DNAI3: variants seen among roughly 807,000 people sequenced by gnomAD.
DNAI3 encodes dynein axonemal intermediate chain 3.
Under a neutral mutation model 115.5 loss-of-function variants are expected in DNAI3, and 83 were observed. That is an observed-to-expected ratio of 0.72 (90% CI 0.60 to 0.86). DNAI3 has a LOEUF of 0.86. Among genes scored for constraint, DNAI3 ranks in the 40% least tolerant of loss-of-function variants. The probability of loss-of-function intolerance (pLI) is 0.00; values close to 1 mark genes in which losing one functional copy is unlikely to be tolerated. For missense variants in DNAI3, 1,004 were observed against 1,075.8 expected, an observed-to-expected ratio of 0.93 and a Z score of 0.93; for synonymous variants, 320 against 347.0, an observed-to-expected ratio of 0.92 and a Z score of 0.86.
rs758707385 is a variant in DNAI3, at chr1:85,094,464, C to G, written c.1082C>G (p.Ser361Cys). The change falls in exon 10 of 23, where the codon TCT (serine) becomes TGT (cysteine). Residue 361 changes from serine to cysteine, a missense_variant. Around this residue, in one of 3 missense-constraint regions of DNAI3, gnomAD observed 550 missense variants for 568.1 expected, o/e 0.97. Coordinates refer to ENST00000294664, the MANE Select transcript of DNAI3 (RefSeq NM_145172.5). ...GCTGTGTCGGTAGCCGTGCGACTTTCTTTTGAAGACAGAGTTCACTTTTCT... is the reference window on the plus strand; with the variant it reads ...GCTGTGTCGGTAGCCGTGCGACTTTGTTTTGAAGACAGAGTTCACTTTTCT... ...LIAVSVAVRLSFEDRVHFSGK... is the reference protein window; with the variant it reads ...LIAVSVAVRLCFEDRVHFSGK... 3.5e-5 allele frequency: 57 copies of G among 1,614,052 alleles called. No individual in the cohort carries two copies. Among genetic ancestry groups the G allele is most frequent in the Non-Finnish European group, 4.7e-5 (55 of 1,180,038 alleles).
chr1:85,126,836 C>T (rs1174424592), intron 20 of DNAI3, 121 bp downstream of exon 20: 3 of 903,108 alleles, frequency 3.3e-6, no homozygotes, highest in African/African-American at 1.7e-5. Flanking sequence ...CTGCTCATCC[C>T]TTCTTATCCC....
At chr1:85,066,550 G>C (rs1654106912) in intron 1 of DNAI3, among the ~76,000 whole-genome samples, 1 of 151,862 alleles carries the variant, frequency 6.6e-6, no homozygotes, top group Admixed American at 6.6e-5. Context: ...GGATGGTCTT[G>C]ATCTCCTGAC....
At chr1:85,091,407 C>T (rs1654970233) in intron 8 of DNAI3, among the ~76,000 whole-genome samples, 1 of 152,050 alleles carries the variant, frequency 6.6e-6, no homozygotes. Flanking sequence ...TGATTCCATC[C>T]CTGAGATGTG....
intron 14 of DNAI3, among the ~76,000 whole-genome samples, chr1:85,106,003 G>C (rs1233501100): frequency 2.0e-5 from 3 of 152,178 alleles, no homozygotes; most frequent in African/African-American, 7.2e-5. Context: ...AGCTGGGCAT[G>C]GTGGCACATG....
intron 13 of DNAI3, 35 bp from the exon 14 acceptor site, chr1:85,104,489 A>T: frequency 6.4e-7 from 1 of 1,566,764 alleles, no homozygotes; most frequent in Non-Finnish European, 8.8e-7. Flanking sequence ...CTATGAGAAA[A>T]ACAATTTTAT....
In DNAI3 at chr1:85,100,155, CAAA is replaced by C. The variant is rs536821756; in HGVS notation, c.1479+1499_1479+1501del. ...ATTAAACTAAAGAGCTTCTGCAAAG[CAAA>C]AGAAACTACCATCAGAGTGAACAGG... On this transcript the variant is annotated intron_variant, in intron 13 of 22. Coordinates refer to ENST00000294664, the MANE Select transcript of DNAI3 (RefSeq NM_145172.5). Among the ~76,000 whole-genome samples the C allele has an allele frequency of 1.6e-4, 24 of 152,196 alleles. No individual in the cohort carries two copies. The South Asian group carries it at 4.6e-3, about 29-fold the overall frequency.
intron 20 of DNAI3, 129 bp downstream of exon 20, chr1:85,126,844 C>T (rs1656159489): frequency 3.5e-6 from 3 of 861,584 alleles, no homozygotes; most frequent in Non-Finnish European, 3.6e-6. Context: ...CCCTTCTTAT[C>T]CCTTCCCTTC....
Position 85,085,976 on chromosome 1 carries a change from A to T in DNAI3, c.686A>T (p.Asp229Val). 2 of 1,614,172 alleles carry T rather than the reference A, an allele frequency of 1.2e-6. No individual in the cohort carries two copies. Among genetic ancestry groups the T allele is most frequent in the Admixed American group, 3.3e-5 (2 of 60,024 alleles). Reference protein sequence around the residue: ...KNFTLKQLEKDVGMQVIPQIK... With the variant: ...KNFTLKQLEKVVGMQVIPQIK... ...TTTACCCTTAAACAACTTGAAAAAG[A>T]TGTTGGCATGCAAGTAATCCCCCAA... Residue 229 changes from aspartate (D) to valine (V), a missense_variant, in exon 7 of 23, where the codon GAT (aspartate) becomes GTT (valine). Asp to Val is a radical substitution (Grantham distance 152). This residue lies in a region of DNAI3 where 550 missense variants were observed against 568.1 expected (regional missense o/e 0.97). Coordinates refer to ENST00000294664, the MANE Select transcript of DNAI3 (RefSeq NM_145172.5).
chr1:85,117,865 T>A lies in DNAI3; in HGVS notation c.1917+6T>A. ...AGTTCTTTGTGGGAACAGAGGTAAATTGGGATTATCTGCTTTTAAAATTAA... is the reference window on the plus strand; with the variant it reads ...AGTTCTTTGTGGGAACAGAGGTAAAATGGGATTATCTGCTTTTAAAATTAA... On this transcript the variant is annotated splice_donor_region_variant and intron_variant, in intron 17 of 22. Transcript: ENST00000294664. 6.2e-7 allele frequency: 1 copy of A among 1,610,766 alleles called. No individual in the cohort carries two copies. The highest frequency in any genetic ancestry group is 8.5e-7 in the Non-Finnish European group (1 of 1,178,052).
chr1:85,129,863 T>C, intron 21 of DNAI3, 127 bp from the exon 22 acceptor site: 1 of 999,902 alleles, frequency 1.0e-6, no homozygotes, highest in Non-Finnish European at 1.4e-6. Context: ...AATGATCAAG[T>C]AGATTAGGGA....
chr1:85,098,560 A>G lies in DNAI3; in HGVS notation c.1381A>G (p.Lys461Glu). The G allele has an allele frequency of 1.9e-6, 3 of 1,612,788 alleles. No individual in the cohort carries two copies. Among genetic ancestry groups the G allele is most frequent in the Non-Finnish European group, 2.5e-6 (3 of 1,179,582 alleles). ...PMFLLEPESN[K>E]EAMYIRHCAV... is the part of the protein sequence containing the mutation. Reference sequence around the variant, plus strand: ...GTTTCTCCTTGAACCGGAGAGTAATAAAGAAGCAATGTATATCAGACACTG... The same window carrying G: ...GTTTCTCCTTGAACCGGAGAGTAATGAAGAAGCAATGTATATCAGACACTG... The change falls in exon 13 of 23, where the codon AAA (lysine) becomes GAA (glutamate). Residue 461 changes from lysine to glutamate, a missense_variant. Lys to Glu is a moderately conservative substitution (Grantham distance 56). This residue lies in a region of DNAI3 where 550 missense variants were observed against 568.1 expected (regional missense o/e 0.97). Coordinates refer to ENST00000294664, the MANE Select transcript of DNAI3 (RefSeq NM_145172.5).
intron 3 of DNAI3, among the ~76,000 whole-genome samples, chr1:85,080,196 C>T (rs531484692): frequency 3.1e-4 from 47 of 151,618 alleles, no homozygotes; most frequent in Middle Eastern, 3.4e-3. Context: ...GGACTACAGG[C>T]GCGTGCCACC....
chr1:85,085,740 A>G (rs12130198), intron 6 of DNAI3, 91 bp from the exon 7 acceptor site: 228,935 of 1,054,648 alleles, frequency 0.22, 25,322 homozygotes, highest in South Asian at 0.27. Context: ...AAAGTGCACA[A>G]AGGGCTCTGA....
chr1:85,077,558 A>G (rs1411819790), intron 3 of DNAI3, among the ~76,000 whole-genome samples: 1 of 152,222 alleles, frequency 6.6e-6, no homozygotes, highest in East Asian at 1.9e-4. Context: ...AATGAATCTC[A>G]AAATAGTTAT....
intron 8 of DNAI3, among the ~76,000 whole-genome samples, chr1:85,092,061 G>A (rs1282852492): frequency 1.3e-5 from 2 of 152,244 alleles, no homozygotes; most frequent in Middle Eastern, 3.4e-3. Flanking sequence ...GCTACACAGG[G>A]TTATTCAATG....
rs771097136 is a variant in DNAI3 at position 85,110,035 on chromosome 1, G to A, written c.1699-13G>A. 4.4e-6 allele frequency: 7 copies of A among 1,607,668 alleles called. No individual in the cohort carries two copies. In the South Asian group the frequency reaches 4.4e-5, roughly 10 times the overall value. On this transcript the variant is annotated splice_polypyrimidine_tract_variant and intron_variant, in intron 15 of 22. Coordinates refer to ENST00000294664, the MANE Select transcript of DNAI3 (RefSeq NM_145172.5). ...TATGTGGAAATAATCTTTGCTATATGTTCTCCCAAAAGGTAAGGCTGTCCA... is the reference window on the plus strand; with the variant it reads ...TATGTGGAAATAATCTTTGCTATATATTCTCCCAAAAGGTAAGGCTGTCCA...
chr1:85,088,062 C>G (rs890410864), intron 7 of DNAI3, among the ~76,000 whole-genome samples: 1 of 151,990 alleles, frequency 6.6e-6, no homozygotes, highest in Non-Finnish European at 1.5e-5. Flanking sequence ...AGGAGGACAT[C>G]AGACATCCAT....
In DNAI3 at chr1:85,130,089, C is replaced by G; in HGVS notation, c.2509C>G (p.Leu837Val). 6.2e-7 allele frequency: 1 copy of G among 1,613,478 alleles called. No individual in the cohort carries two copies. The highest frequency in any genetic ancestry group is 8.5e-7 in the Non-Finnish European group (1 of 1,179,686). The change falls in exon 22 of 23, where the codon CTA becomes GTA. Residue 837 changes from leucine to valine, a missense_variant. Physicochemically the swap from Leu to Val is conservative, Grantham distance 32. This residue lies in a region of DNAI3 where 429 missense variants were observed against 454.3 expected (regional missense o/e 0.94). Coordinates refer to ENST00000294664, the MANE Select transcript of DNAI3 (RefSeq NM_145172.5). Reference sequence around the variant, plus strand: ...TGAGCAAGAAAAGAAAGAAATGGAACTAGAAATGGCAAAGAAAAAAGTTGT... The same window carrying G: ...TGAGCAAGAAAAGAAAGAAATGGAAGTAGAAATGGCAAAGAAAAAAGTTGT... ...IREQEKKEME[L>V]EMAKKKVKTY...
At chr1:85,087,576 C>T (rs1360463851) in intron 7 of DNAI3, among the ~76,000 whole-genome samples, 2 of 151,768 alleles carry the variant, frequency 1.3e-5, no homozygotes, top group East Asian at 1.9e-4. Flanking sequence ...TCTCTTCACT[C>T]TGCCCTTGGA....
Sources: allele counts gnomAD v4.1 joint callset (sites outside exome capture counted in the v4.1 genomes callset), GRCh38; gene constraint gnomAD v4.1.1; regional missense constraint gnomAD v4.1.1; transcripts MANE v1.5; gene names NCBI Gene and HGNC (gene_info 2026-07-23, HGNC 2026-07-21).